PUM2: variants seen among roughly 807,000 people sequenced by gnomAD.
The protein encoded by PUM2 is pumilio RNA binding family member 2, also known as pumilio homolog 2.
PUM2 carries 57 observed loss-of-function variants against 124.5 expected under a neutral mutation model. The ratio of observed to expected loss-of-function variants is 0.46; its 90% CI spans 0.37 to 0.57. The LOEUF (loss-of-function observed/expected upper bound fraction) is 0.57, where lower values mean the gene tolerates loss of function less well. PUM2 is among the 20% of genes least tolerant of loss of function. The pLI is 0.00. For synonymous variants in PUM2, 460 were observed against 446.1 expected (o/e 1.03, Z -0.39); for missense variants, 1,065 against 1,290.6 (o/e 0.83, Z 2.68).
At chr2:20,297,493 C>T (rs1208578812) in intron 8 of PUM2, 60 bp downstream of exon 8, 22 of 1,372,620 alleles carry the variant, frequency 1.6e-5, no homozygotes, top group Non-Finnish European at 1.9e-5. Flanking sequence ...ATAAAGCTTA[C>T]ACCCAAAACT....
chr2:20,331,948 T>C (rs1446212612), intron 1 of PUM2: 1 of 152,188 alleles, frequency 6.6e-6, no homozygotes, highest in Non-Finnish European at 1.5e-5. Context: ...CTATAGACAA[T>C]ACCAAAATGA....
At chr2:20,336,297 TAC>T (rs1686006941) in intron 1 of PUM2, among the ~76,000 whole-genome samples, 1 of 151,976 alleles carries the variant, frequency 6.6e-6, no homozygotes, top group Non-Finnish European at 1.5e-5. Context: ...GTGATCCATC[TAC>T]TCAGTATCCT....
chr2:20,313,780 G>A (rs1358400313), intron 3 of PUM2, among the ~76,000 whole-genome samples: 1 of 142,624 alleles, frequency 7.0e-6, no homozygotes, highest in Non-Finnish European at 1.5e-5. Context: ...AAGCTGCAGT[G>A]AGCCATGTTC....
intron 1 of PUM2, among the ~76,000 whole-genome samples, chr2:20,335,512 T>C (rs1310395756): frequency 1.3e-5 from 2 of 152,222 alleles, no homozygotes; most frequent in African/African-American, 2.4e-5. Flanking sequence ...TCTGAGGGCA[T>C]AAATTGAATC....
At chr2:20,342,608 G>A (rs1010666813) in intron 1 of PUM2, among the ~76,000 whole-genome samples, 3 of 152,158 alleles carry the variant, frequency 2.0e-5, no homozygotes, top group African/African-American at 7.2e-5. Context: ...GTAGAATAGA[G>A]ATTTAATTTT....
chr2:20,313,280 G>C (rs571240613), intron 3 of PUM2, among the ~76,000 whole-genome samples: 2 of 152,322 alleles, frequency 1.3e-5, no homozygotes, highest in South Asian at 4.1e-4. Context: ...GCAACCTACA[G>C]AATTTGGGAG....
intron 3 of PUM2, among the ~76,000 whole-genome samples, chr2:20,314,808 C>G (rs1315318469): frequency 1.3e-5 from 2 of 151,994 alleles, no homozygotes; most frequent in East Asian, 3.9e-4. Context: ...ATGAGCTATA[C>G]ATGAGGAATC....
intron 3 of PUM2, among the ~76,000 whole-genome samples, chr2:20,315,755 G>T (rs1680736952): frequency 6.9e-6 from 1 of 145,340 alleles, no homozygotes; most frequent in African/African-American, 2.6e-5. Context: ...GAGCTCAGGG[G>T]TTTGCGACAA....
At chr2:20,264,399 T>A (rs1452071285) in intron 13 of PUM2, among the ~76,000 whole-genome samples, 2 of 108,240 alleles carry the variant, frequency 1.8e-5, no homozygotes, top group African/African-American at 3.4e-5. Flanking sequence ...TATATATATT[T>A]GACATAAATC....
At chr2:20,263,763 A>C (rs1301942576) in intron 13 of PUM2, among the ~76,000 whole-genome samples, 2 of 152,220 alleles carry the variant, frequency 1.3e-5, no homozygotes, top group African/African-American at 2.4e-5. Context: ...AGAACACTGA[A>C]ACTACCAACA....
intron 1 of PUM2, among the ~76,000 whole-genome samples, chr2:20,339,924 A>G (rs917372589): frequency 2.0e-5 from 3 of 152,114 alleles, no homozygotes; most frequent in African/African-American, 4.8e-5. Context: ...AAAACACAGG[A>G]TAAGTATTTA....
At chr2:20,256,502 C>G (rs948801807) in intron 16 of PUM2, among the ~76,000 whole-genome samples, 1 of 152,210 alleles carries the variant, frequency 6.6e-6, no homozygotes, top group Non-Finnish European at 1.5e-5. Flanking sequence ...CTGTGTAAAT[C>G]ATCCGCTAAT....
At chr2:20,296,432 T>C (rs1432281787) in intron 8 of PUM2, among the ~76,000 whole-genome samples, 8 of 151,752 alleles carry the variant, frequency 5.3e-5, no homozygotes, top group Admixed American at 3.9e-4. Context: ...GAGGCGGAGC[T>C]TGCAGTGAGC....
intron 1 of PUM2, among the ~76,000 whole-genome samples, chr2:20,348,781 GGCGTGGTGGCGT>G (rs796860252): frequency 0.023 from 3,473 of 152,244 alleles, 91 homozygotes; most frequent in East Asian, 0.12. Context: ...AAATTAGCCG[GGCGTGGTGGCGT>G]GCGCCTGTAC....
chr2:20,263,604 A>AG, intron 13 of PUM2, 144 bp from the exon 14 acceptor site: 1 of 1,005,256 alleles, frequency 9.9e-7, no homozygotes, highest in Non-Finnish European at 1.4e-6. Context: ...TAAAATTGGG[A>AG]GGGGAAAATC....
chr2:20,253,819 T>G lies in PUM2; in HGVS notation c.3063+3A>C. The G allele has an allele frequency of 6.2e-7, 1 of 1,607,370 alleles. No homozygotes were observed. Among genetic ancestry groups the G allele is most frequent in the Non-Finnish European group, 8.5e-7 (1 of 1,174,552 alleles). ...GTTATCTGAGTGTTACATGCTGTATTACCTTGTGCATGATTATCTTTCTCT... is the reference window on the plus strand; with the variant it reads ...GTTATCTGAGTGTTACATGCTGTATGACCTTGTGCATGATTATCTTTCTCT... On this transcript the variant is annotated splice_donor_region_variant and intron_variant, in intron 20 of 20. Coordinates refer to ENST00000361078, the MANE Select transcript of PUM2 (RefSeq NM_015317.5).
chr2:20,345,249 T>A (rs1444979580), intron 1 of PUM2, among the ~76,000 whole-genome samples: 1 of 151,868 alleles, frequency 6.6e-6, no homozygotes, highest in African/African-American at 2.4e-5. Context: ...TAGCTTGGAC[T>A]GTAAGTGCGT....
chr2:20,306,446 G>A (rs976070922), intron 7 of PUM2, among the ~76,000 whole-genome samples: 1 of 151,980 alleles, frequency 6.6e-6, no homozygotes, highest in Admixed American at 6.6e-5. Context: ...AATAAAAACC[G>A]TTGTGCTGTC....
intron 13 of PUM2, among the ~76,000 whole-genome samples, chr2:20,272,751 G>T (rs1261708658): frequency 6.6e-6 from 1 of 152,102 alleles, no homozygotes; most frequent in African/African-American, 2.4e-5. Flanking sequence ...AAGAAAGCTG[G>T]TATCTTTATA....
Sources: gnomAD v4.1 joint callset for allele counts (sites outside exome capture counted in the v4.1 genomes callset) on GRCh38, gnomAD v4.1.1 for gene constraint, MANE v1.5 for transcripts, NCBI Gene and HGNC (gene_info 2026-07-23, HGNC 2026-07-21) for gene names.